The following PRDM16 variants were observed in gnomAD, a reference collection of about 807,000 sequenced individuals.
PRDM16 encodes histone-lysine N-methyltransferase PRDM16.
In PRDM16, 23 loss-of-function variants were observed where a neutral mutation model predicts 110.6. That is an observed-to-expected ratio of 0.21 (90% CI 0.15 to 0.29). PRDM16 has a LOEUF of 0.29. Ranked by LOEUF, PRDM16 falls within the 10% of genes least tolerant of loss-of-function variation. The pLI, the probability that PRDM16 is intolerant of heterozygous loss-of-function variation, is 1.00. For missense variants in PRDM16, 1,615 were observed against 1,794.3 expected (o/e 0.90, Z 1.81); for synonymous variants, 799 against 781.8 (o/e 1.02, Z -0.37).
chr1:3,120,780 C>T (rs747006292), intron 1 of PRDM16, among the ~76,000 whole-genome samples: 1 of 152,126 alleles, frequency 6.6e-6, no homozygotes, highest in Admixed American at 6.5e-5. Context: ...TCTGGGGACC[C>T]GGATGGCAGG....
At chr1:3,121,877 C>T (rs559487539) in intron 1 of PRDM16, among the ~76,000 whole-genome samples, 50 of 152,278 alleles carry the variant, frequency 3.3e-4, no homozygotes, top group African/African-American at 9.4e-4. Context: ...GCTGCAGCCC[C>T]GTCAGTACCC....
At chr1:3,223,373 C>A (rs1414480798) in intron 2 of PRDM16, among the ~76,000 whole-genome samples, 1 of 152,106 alleles carries the variant, frequency 6.6e-6, no homozygotes, top group Non-Finnish European at 1.5e-5. Context: ...AGAAGCGCTG[C>A]TGATGAGCCG....
At chr1:3,351,779 C>T (rs1226907964) in intron 3 of PRDM16, among the ~76,000 whole-genome samples, 1 of 135,874 alleles carries the variant, frequency 7.4e-6, no homozygotes, top group Non-Finnish European at 1.6e-5. Context: ...TTCCCTCCCT[C>T]TCTCTTGCTC....
chr1:3,376,084 T>C (rs1642985619), intron 3 of PRDM16, among the ~76,000 whole-genome samples: 1 of 151,798 alleles, frequency 6.6e-6, no homozygotes, highest in African/African-American at 2.4e-5. Context: ...AGCATCCCGG[T>C]GTCTTGGTGT....
chr1:3,169,790 T>C (rs1010589740), intron 1 of PRDM16, among the ~76,000 whole-genome samples: 3 of 152,320 alleles, frequency 2.0e-5, no homozygotes, highest in African/African-American at 4.8e-5. Context: ...CAGCCCCTGG[T>C]TCCCCCCGAG....
intron 5 of PRDM16, among the ~76,000 whole-genome samples, chr1:3,397,904 C>T (rs1026895252): frequency 6.6e-6 from 1 of 152,174 alleles, no homozygotes; most frequent in African/African-American, 2.4e-5. Context: ...TAGCTGGGTC[C>T]TTCCTTGGTG....
At chr1:3,346,211 C>CT (rs58181932) in intron 3 of PRDM16, among the ~76,000 whole-genome samples, 3,748 of 152,310 alleles carry the variant, frequency 0.025, 128 homozygotes, top group African/African-American at 0.084. Flanking sequence ...ATCAGGCTTC[C>CT]TTTTTTGTTT....
Position 3,233,860 on chromosome 1 carries a change from A to G in PRDM16, c.388-10227A>G, listed in dbSNP as rs1639475888. 2.0e-5 allele frequency among the ~76,000 whole-genome samples: 3 copies of G among 151,736 alleles called. No homozygotes were observed. In the South Asian group the frequency reaches 6.2e-4, roughly 32 times the overall value. On this transcript the variant is annotated intron_variant, in intron 2 of 16. Transcript: ENST00000270722. ...AATACCAACAGCTTTTTATATGCCA[A>G]TCATACCGCAATGAAGTGTTGGGGT...
At chr1:3,126,769 C>T (rs567538342) in intron 1 of PRDM16, among the ~76,000 whole-genome samples, 382 of 152,314 alleles carry the variant, frequency 2.5e-3, no homozygotes, top group Non-Finnish European at 4.4e-3. Flanking sequence ...AGGTGCCCAT[C>T]GCCAGTGATG....
chr1:3,397,891 A>C (rs994031862), intron 5 of PRDM16, among the ~76,000 whole-genome samples: 2 of 152,206 alleles, frequency 1.3e-5, no homozygotes, highest in Non-Finnish European at 2.9e-5. Flanking sequence ...AGCGTGGCCC[A>C]GCTAGCTGGG....
intron 1 of PRDM16, among the ~76,000 whole-genome samples, chr1:3,181,704 GGTCTTACACACGCA>G (rs1194404254): frequency 5.4e-4 from 33 of 60,940 alleles, no homozygotes; most frequent in African/African-American, 1.7e-3. Context: ...TCTTACACAC[GGTCTTACACACGCA>G]GTCTTACACA....
chr1:3,291,298 C>G, intron 3 of PRDM16, among the ~76,000 whole-genome samples: 1 of 152,196 alleles, frequency 6.6e-6, no homozygotes, highest in East Asian at 1.9e-4. Context: ...GCATCACACA[C>G]ACCTGCGCTC....
chr1:3,107,487 C>T (rs1245108335), intron 1 of PRDM16, among the ~76,000 whole-genome samples: 1 of 152,168 alleles, frequency 6.6e-6, no homozygotes, highest in African/African-American at 2.4e-5. Context: ...ATAGAGCAAT[C>T]CTTTAAGTAT....
intron 8 of PRDM16, 78 bp downstream of exon 8, chr1:3,405,726 C>G: frequency 7.1e-7 from 1 of 1,409,664 alleles, no homozygotes. Flanking sequence ...TGGGCCATCC[C>G]CCAAGGTCTC....
intron 1 of PRDM16, among the ~76,000 whole-genome samples, chr1:3,184,781 C>T (rs912833737): frequency 2.0e-5 from 3 of 152,198 alleles, no homozygotes; most frequent in Admixed American, 1.3e-4. Flanking sequence ...CTGGATGAGT[C>T]GTCTAAATGC....
intron 3 of PRDM16, among the ~76,000 whole-genome samples, chr1:3,275,036 A>T (rs1640550952): frequency 6.6e-6 from 1 of 152,216 alleles, no homozygotes; most frequent in African/African-American, 2.4e-5. Context: ...AGCATCCCCC[A>T]GCCCAGCAGG....
intron 1 of PRDM16, among the ~76,000 whole-genome samples, chr1:3,171,663 G>A (rs1233513248): frequency 6.6e-6 from 1 of 152,190 alleles, no homozygotes; most frequent in African/African-American, 2.4e-5. Context: ...CCCTCCTCGG[G>A]CTGGCAAGCC....
intron 3 of PRDM16, among the ~76,000 whole-genome samples, chr1:3,352,945 T>C (rs904521694): frequency 7.9e-5 from 12 of 152,088 alleles, no homozygotes; most frequent in African/African-American, 1.4e-4. Flanking sequence ...CACAGGGCCC[T>C]GAGTGCCCAC....
intron 3 of PRDM16, among the ~76,000 whole-genome samples, chr1:3,365,338 G>A (rs991023786): frequency 4.6e-5 from 7 of 152,230 alleles, no homozygotes; most frequent in African/African-American, 1.7e-4. Context: ...CCACCCCTGG[G>A]CTGGGGGCTG....
Sources: allele counts gnomAD v4.1 joint callset (sites outside exome capture counted in the v4.1 genomes callset), GRCh38; gene constraint gnomAD v4.1.1; transcripts MANE v1.5; gene names NCBI Gene and HGNC (gene_info 2026-07-23, HGNC 2026-07-21).